GLDC: variants seen among roughly 807,000 people sequenced by gnomAD.
The protein encoded by GLDC is glycine dehydrogenase (decarboxylating), mitochondrial.
GLDC carries 104 observed loss-of-function variants against 121.3 expected under a neutral mutation model. That is an observed-to-expected ratio of 0.86 (90% CI 0.73 to 1.01). The LOEUF (loss-of-function observed/expected upper bound fraction) is 1.01. GLDC is among the 50% of genes least tolerant of loss of function. The probability of loss-of-function intolerance (pLI) is 0.00; values close to 1 mark genes in which losing one functional copy is unlikely to be tolerated. For synonymous variants in GLDC, 546 were observed against 480.6 expected (o/e 1.14, Z -1.78); for missense variants, 1,429 against 1,306.6 (o/e 1.09, Z -1.44).
intron 13 of GLDC, 46 bp downstream of exon 13, chr9:6,588,572 G>T: frequency 6.7e-7 from 1 of 1,492,974 alleles, no homozygotes; most frequent in Non-Finnish European, 9.3e-7. Context: ...AAGAGACGTG[G>T]GATTGGGGTA....
At chr9:6,555,392 T>C (rs138132424) in intron 18 of GLDC, among the ~76,000 whole-genome samples, 73 of 152,262 alleles carry the variant, frequency 4.8e-4, no homozygotes, top group Non-Finnish European at 8.8e-4. Context: ...ACAGAATTCA[T>C]TTATGCTACA....
At chr9:6,599,214 A>G (rs907197995) in intron 8 of GLDC, among the ~76,000 whole-genome samples, 1 of 151,970 alleles carries the variant, frequency 6.6e-6, no homozygotes, top group African/African-American at 2.4e-5. Context: ...AAACAGGAAC[A>G]TAACTGGTTC....
intron 21 of GLDC, 51 bp downstream of exon 21, chr9:6,550,752 G>T (rs773609755): frequency 3.4e-6 from 4 of 1,182,976 alleles, no homozygotes; most frequent in South Asian, 2.4e-5. Flanking sequence ...GTCAAACTTA[G>T]TTTGGCCAAG....
intron 21 of GLDC, among the ~76,000 whole-genome samples, chr9:6,543,893 G>A (rs546573253): frequency 9.9e-5 from 14 of 142,072 alleles, no homozygotes; most frequent in African/African-American, 1.4e-4. Flanking sequence ...GAGGACAGGA[G>A]GGGGGGGGAT....
chr9:6,589,301 G>C lies in GLDC; in HGVS notation c.1483-9C>G. ...CTTTCAGCAACCAGTTCCTGAAGGA[G>C]AAACACAGAGATGATAGGGCCAGAA... On this transcript the variant is annotated splice_polypyrimidine_tract_variant and intron_variant, in intron 11 of 24. Transcript: ENST00000321612. 6.5e-7 allele frequency: 1 copy of C among 1,539,690 alleles called. No individual in the cohort carries two copies. The highest frequency in any genetic ancestry group is 9.0e-7 in the Non-Finnish European group (1 of 1,112,122).
At chr9:6,639,659 TAA>T in intron 2 of GLDC, 1 of 266,866 alleles carries the variant, frequency 3.7e-6, no homozygotes, top group Non-Finnish European at 6.2e-6. Context: ...CTTTTCACCA[TAA>T]AAAAAAAGTA....
intron 6 of GLDC, 51 bp from the exon 7 acceptor site, chr9:6,604,835 G>C: frequency 2.1e-6 from 3 of 1,422,842 alleles, no homozygotes; most frequent in Non-Finnish European, 3.0e-6. Context: ...TTCCCTGAGA[G>C]TAGTGGGAGA....
intron 15 of GLDC, chr9:6,565,695 C>T (rs1268018907): frequency 1.7e-6 from 1 of 593,186 alleles, no homozygotes; most frequent in Non-Finnish European, 3.0e-6. Context: ...TGCTCAGGAC[C>T]ACGCATTGAA....
At chr9:6,557,392 G>C (rs968332780) in intron 17 of GLDC, among the ~76,000 whole-genome samples, 2 of 152,084 alleles carry the variant, frequency 1.3e-5, no homozygotes, top group African/African-American at 4.8e-5. Flanking sequence ...TCAGGAGATC[G>C]AGACTATCCT....
intron 16 of GLDC, among the ~76,000 whole-genome samples, chr9:6,559,433 T>A (rs574605615): frequency 6.6e-6 from 1 of 150,642 alleles, no homozygotes; most frequent in East Asian, 2.0e-4. Context: ...GAGAATTGGT[T>A]TAAACCAGGA....
rs573246193 is a variant in GLDC at position 6,585,631 on chromosome 9, G to T, written c.1850+1510C>A. ...GTGTAGTCTATGTTACAAAACAGAA[G>T]GTAGGGCATCTTGAAACAGAAATTT... On this transcript the variant is annotated intron_variant, in intron 15 of 24. Transcript: ENST00000321612. Among the ~76,000 whole-genome samples, 83 of 152,240 alleles carry T rather than the reference G, an allele frequency of 5.5e-4. 1 individual carries two copies. The highest frequency in any genetic ancestry group is 1.9e-3 in the African/African-American group (78 of 41,528).
intron 2 of GLDC, among the ~76,000 whole-genome samples, chr9:6,626,146 C>T (rs748203494): frequency 1.3e-5 from 2 of 151,802 alleles, no homozygotes; most frequent in Non-Finnish European, 2.9e-5. Context: ...ATTTTCCACT[C>T]CTGTGATAGT....
At position 6,639,426 on chromosome 9, in the gene GLDC, C is replaced by T; in HGVS notation, c.334+5188G>A. 4 of 912,660 alleles carry T rather than the reference C, an allele frequency of 4.4e-6. No homozygotes were observed. The African/African-American group carries it at 4.8e-5, about 11-fold the overall frequency. The allele number at this position is 912,660 out of a possible 1,614,324, so 56.5% of individuals were successfully genotyped here. A position where few individuals can be genotyped will look rare whatever the true frequency, so the allele number is the denominator to read the frequency against. On this transcript the variant is annotated intron_variant, in intron 2 of 24. Coordinates refer to ENST00000321612, the MANE Select transcript of GLDC (RefSeq NM_000170.3). ...GAAGAAGATGGAAGACAACAACACA[C>T]TTGTGTTCATTGTGGATGTTAAAGT...
At chr9:6,556,125 A>T in intron 18 of GLDC, 28 bp downstream of exon 18, 1 of 1,594,008 alleles carries the variant, frequency 6.3e-7, no homozygotes, top group South Asian at 1.1e-5. Context: ...CTCAGTGGGA[A>T]CTAAGGGCGG....
chr9:6,644,626 C>T lies in GLDC; in HGVS notation c.322G>A (p.Glu108Lys). 6.2e-7 allele frequency: 1 copy of T among 1,610,728 alleles called. No homozygotes were observed. The highest frequency in any genetic ancestry group is 8.5e-7 in the Non-Finnish European group (1 of 1,176,890). Residue 108 changes from glutamate (E) to lysine (K), a missense_variant, in exon 2 of 25, where the codon GAA becomes AAA. Transcript: ENST00000321612. ...CCCGGCCACTTACAAACAGGGTCTTCCATTTTCAAGGGTCTTTTCAAACGG... is the reference window on the plus strand; with the variant it reads ...CCCGGCCACTTACAAACAGGGTCTTTCATTTTCAAGGGTCTTTTCAAACGG... ...NIRLKRPLKMEDPVCENEILA... is the reference protein window; with the variant it reads ...NIRLKRPLKMKDPVCENEILA...
chr9:6,603,980 G>A (rs1264190678), intron 7 of GLDC, among the ~76,000 whole-genome samples: 3 of 151,744 alleles, frequency 2.0e-5, no homozygotes, highest in Non-Finnish European at 2.9e-5. Context: ...TGCCTGACTC[G>A]GCCTCCCAGA....
At position 6,534,711 on chromosome 9, in the gene GLDC, T is replaced by A; in HGVS notation, c.2916A>T (p.Pro972=). The A allele has an allele frequency of 1.3e-6, 2 of 1,566,298 alleles. No homozygotes were observed. The highest frequency in any genetic ancestry group is 8.8e-7 in the Non-Finnish European group (1 of 1,136,808). Residue 972 remains proline, a synonymous_variant, in exon 24 of 25, where the codon CCA becomes CCT. Transcript: ENST00000321612. The stretch of plus-strand genomic sequence containing the variant: ...CATTCAGATTCAGAGAACTTACGAG[T>A]GGGAATGCTGCCACCTCTCTGGAAT... ...RPYSREVAAF[P]LPFVKPENKF...
chr9:6,600,376 AG>A (rs1365832617), intron 8 of GLDC, among the ~76,000 whole-genome samples: 3 of 150,212 alleles, frequency 2.0e-5, no homozygotes, highest in Non-Finnish European at 3.0e-5. Context: ...ATCTGTCTCA[AG>A]AAAAAAAAAA....
At position 6,639,558 on chromosome 9, in the gene GLDC, C is replaced by T. The variant is rs188122446; in HGVS notation, c.334+5056G>A. On this transcript the variant is annotated intron_variant, in intron 2 of 24. Transcript: ENST00000321612. ...TGGAGAGAAGAAGGTATATGTTCGA[C>T]TGGCTCCTGATTATGATGCTTTGGA... is the stretch of plus-strand genomic sequence containing the variant. 520 of 772,594 alleles carry T rather than the reference C, an allele frequency of 6.7e-4. 1 individual carries two copies. The African/African-American group carries it at 7.8e-3, about 12-fold the overall frequency. 47.9% of individuals were successfully genotyped at this position (772,594 alleles called of 1,614,324 possible).
Sources: allele counts gnomAD v4.1 joint callset (sites outside exome capture counted in the v4.1 genomes callset), GRCh38; gene constraint gnomAD v4.1.1; transcripts MANE v1.5; gene names NCBI Gene and HGNC (gene_info 2026-07-23, HGNC 2026-07-21).